ALDH3B1: variants seen among roughly 807,000 people sequenced by gnomAD.
The protein encoded by ALDH3B1 is aldehyde dehydrogenase family 3 member B1.
A neutral mutation model predicts 46.2 loss-of-function variants in ALDH3B1; 37 were observed. The ratio of observed to expected loss-of-function variants is 0.80; its 90% CI spans 0.62 to 1.05. The LOEUF (loss-of-function observed/expected upper bound fraction) is 1.05. ALDH3B1 is among the 50% of genes least tolerant of loss of function. The pLI is 0.00. For synonymous variants in ALDH3B1, 283 were observed against 281.0 expected (o/e 1.01, Z -0.07); for missense variants, 603 against 665.5 (o/e 0.91, Z 1.03).
At chr11:68,025,928 G>GTCCA in intron 8 of ALDH3B1, 81 bp from the exon 9 acceptor site, 1 of 1,036,428 alleles carries the variant, frequency 9.6e-7, no homozygotes, top group Non-Finnish European at 1.4e-6. Context: ...GTGTCACAGA[G>GTCCA]TCCAGCATGG....
intron 5 of ALDH3B1, 36 bp downstream of exon 5, chr11:68,019,291 G>C (rs748410822): frequency 6.3e-7 from 1 of 1,593,024 alleles, no homozygotes; most frequent in East Asian, 2.3e-5. Context: ...AGCGGGAACA[G>C]GCAAGGCTCA....
rs532748788 is a variant in ALDH3B1, at chr11:68,021,870, C to T, written c.948C>T (p.Ile316=). 3.4e-5 allele frequency: 55 copies of T among 1,597,858 alleles called. No individual in the cohort carries two copies. Among genetic ancestry groups the T allele is most frequent in the South Asian group, 2.6e-4 (23 of 87,856 alleles). ...GGQSDESDRY[I]APTVLVDVQE... ...AGAGCGATGAGAGCGATCGCTACAT[C>T]GGTGAGTCCTGCTGCCCCTACCACA... The change falls in exon 7 of 10, where the codon ATC becomes ATT. Residue 316 remains isoleucine, a splice_region_variant and synonymous_variant. Coordinates refer to ENST00000342456, the MANE Select transcript of ALDH3B1 (RefSeq NM_000694.4).
chr11:68,020,379 A>G (rs2134391922), intron 6 of ALDH3B1, among the ~76,000 whole-genome samples: 1 of 152,256 alleles, frequency 6.6e-6, no homozygotes, highest in South Asian at 2.1e-4. Context: ...GGTGACAGGC[A>G]TGTACCACCA....
chr11:68,015,536 A>G, intron 2 of ALDH3B1, 77 bp downstream of exon 2: 1 of 1,530,570 alleles, frequency 6.5e-7, no homozygotes, highest in African/African-American at 1.4e-5. Context: ...GCAGGGGATG[A>G]AGACACCTGC....
Position 68,021,858 on chromosome 11 carries a change from C to G in ALDH3B1, c.936C>G (p.Ser312Arg). The G allele has an allele frequency of 6.2e-7, 1 of 1,606,948 alleles. No homozygotes were observed. The highest frequency in any genetic ancestry group is 8.5e-7 in the Non-Finnish European group (1 of 1,176,168). Residue 312 changes from serine to arginine, a missense_variant, in exon 7 of 10, where the codon AGC (serine) becomes AGG (arginine). Transcript: ENST00000342456. ...CCATTGGGGGCCAGAGCGATGAGAGCGATCGCTACATCGGTGAGTCCTGCT... is the reference window on the plus strand; with the variant it reads ...CCATTGGGGGCCAGAGCGATGAGAGGGATCGCTACATCGGTGAGTCCTGCT... ...RVAIGGQSDE[S>R]DRYIAPTVLV...
Position 68,028,215 on chromosome 11 carries a change from A to G in ALDH3B1, c.*276A>G. 1 of 624,114 alleles carries G rather than the reference A, an allele frequency of 1.6e-6. No individual in the cohort carries two copies. The highest frequency in any genetic ancestry group is 1.5e-5 in the South Asian group (1 of 65,302). 38.7% of individuals were successfully genotyped at this position (624,114 alleles called of 1,614,324 possible). ...CCCGCACCAACCACCCATATTCAGG[A>G]GAAGAGGACAGACACGGCACCTCTG... is the stretch of plus-strand genomic sequence containing the variant. On this transcript the variant is annotated 3_prime_UTR_variant, in exon 10 of 10. Transcript: ENST00000342456.
chr11:68,017,818 C>G (rs993097904), intron 2 of ALDH3B1: 1 of 152,220 alleles, frequency 6.6e-6, no homozygotes, highest in Non-Finnish European at 1.5e-5. Context: ...GAGTTCAAGA[C>G]CTACCTAGGC....
intron 2 of ALDH3B1, chr11:68,017,056 T>A (rs953167834): frequency 6.6e-6 from 1 of 152,336 alleles, no homozygotes; most frequent in African/African-American, 2.4e-5. Flanking sequence ...TGAATCTGGT[T>A]GGGCAACCAC....
chr11:68,020,104 C>T (rs1857454939), intron 6 of ALDH3B1, among the ~76,000 whole-genome samples: 1 of 152,212 alleles, frequency 6.6e-6, no homozygotes, highest in Non-Finnish European at 1.5e-5. Context: ...GTGCCCACAG[C>T]CCTCTCTGCA....
intron 1 of ALDH3B1, among the ~76,000 whole-genome samples, chr11:68,014,498 G>A (rs1480139430): frequency 6.6e-6 from 1 of 152,222 alleles, no homozygotes; most frequent in African/African-American, 2.4e-5. Flanking sequence ...GGGCTCGGGG[G>A]AATGTCTAGG....
intron 2 of ALDH3B1, chr11:68,015,860 G>A: frequency 2.9e-6 from 1 of 348,208 alleles, no homozygotes. Context: ...GAGGCCAGGA[G>A]TTCAAGACCA....
At chr11:68,009,834 G>A (rs1453647858), upstream of ALDH3B1, among the ~76,000 whole-genome samples, 1 of 152,106 alleles carries the variant, frequency 6.6e-6, no homozygotes, top group East Asian at 1.9e-4. Context: ...ACCAGGCAAG[G>A]TGGTAGGAGG....
intron 1 of ALDH3B1, among the ~76,000 whole-genome samples, chr11:68,010,678 C>T (rs900086181): frequency 6.6e-5 from 10 of 152,224 alleles, no homozygotes; most frequent in African/African-American, 1.9e-4. Flanking sequence ...TCCTGGGATT[C>T]CCGGACACCC....
Position 68,026,019 on chromosome 11 carries a change from G to A in ALDH3B1, c.1127G>A (p.Arg376Gln), listed in dbSNP as rs761242177. 2.7e-5 allele frequency: 44 copies of A among 1,602,580 alleles called. No homozygotes were observed. In the Middle Eastern group the frequency reaches 2.8e-3, roughly 102 times the overall value. ...AFSNSSQVVK[R>Q]VLTQTSSGGF... ...CCTGTTCTCTCCCAGGTGGTCAAGC[G>A]GGTGCTGACCCAGACCAGCAGCGGG... The change falls in exon 9 of 10, where the codon CGG becomes CAG. Residue 376 changes from arginine to glutamine, a missense_variant. Coordinates refer to ENST00000342456, the MANE Select transcript of ALDH3B1 (RefSeq NM_000694.4).
At chr11:68,027,694 C>T (rs1301672148) in intron 9 of ALDH3B1, 55 bp from the exon 10 acceptor site, 2 of 1,524,150 alleles carry the variant, frequency 1.3e-6, no homozygotes, top group Non-Finnish European at 1.8e-6. Context: ...GCCCCACTGT[C>T]TGTGACTAGG....
At chr11:68,019,628 C>A in intron 5 of ALDH3B1, 87 bp from the exon 6 acceptor site, 3 of 1,453,026 alleles carry the variant, frequency 2.1e-6, no homozygotes, top group Non-Finnish European at 2.9e-6. Context: ...GGGGTGGAGG[C>A]AGGGCAGGGT....
In ALDH3B1 at chr11:68,015,295, A is replaced by G; in HGVS notation, c.-1-2A>G. The G allele has an allele frequency of 6.8e-7, 1 of 1,473,192 alleles. No individual in the cohort carries two copies. The highest frequency in any genetic ancestry group is 9.0e-7 in the Non-Finnish European group (1 of 1,106,950). 91.3% of individuals were successfully genotyped at this position (1,473,192 alleles called of 1,614,324 possible). On this transcript the variant is annotated splice_acceptor_variant, in intron 1 of 9. Coordinates refer to ENST00000342456, the MANE Select transcript of ALDH3B1 (RefSeq NM_000694.4). LOFTEE classifies it low-confidence loss of function (5UTR_SPLICE). ...CCCAGTTCATGCCACCCCATCTGGC[A>G]GGATGGACCCCCTTGGGGACACGCT...
intron 2 of ALDH3B1, chr11:68,017,796 G>C (rs959953457): frequency 6.6e-6 from 1 of 152,144 alleles, no homozygotes; most frequent in African/African-American, 2.4e-5. Context: ...TGGGAGGATT[G>C]TTTGAGGCCA....
At position 68,021,561 on chromosome 11, in the gene ALDH3B1, C is replaced by A. The variant is rs776664125; in HGVS notation, c.639C>A (p.Gly213=). Residue 213 remains glycine, a synonymous_variant, in exon 7 of 10, where the codon GGC becomes GGA. Coordinates refer to ENST00000342456, the MANE Select transcript of ALDH3B1 (RefSeq NM_000694.4). ...HLTPVTLELG[G]KNPCYVDDNC... The stretch of plus-strand genomic sequence containing the variant: ...CACCTGTCACCCTGGAGCTGGGGGG[C>A]AAGAACCCTTGCTACGTGGACGACA... 1.9e-6 allele frequency: 3 copies of A among 1,614,094 alleles called. No homozygotes were observed. The South Asian group carries it at 3.3e-5, about 18-fold the overall frequency.
Sources: allele counts gnomAD v4.1 joint callset (sites outside exome capture counted in the v4.1 genomes callset), GRCh38; gene constraint gnomAD v4.1.1; transcripts MANE v1.5; gene names NCBI Gene and HGNC (gene_info 2026-07-23, HGNC 2026-07-21).